ENPP6: variants seen among roughly 807,000 people sequenced by gnomAD.
ENPP6 encodes the protein glycerophosphocholine cholinephosphodiesterase ENPP6.
A neutral mutation model predicts 42.0 loss-of-function variants in ENPP6; 32 were observed. The observed-to-expected ratio is 0.76, with a 90% confidence interval of 0.58 to 1.02. The LOEUF (loss-of-function observed/expected upper bound fraction) is 1.02. Among genes scored for constraint, ENPP6 ranks in the 50% least tolerant of loss-of-function variants. ENPP6 has a pLI of 0.00. For missense variants in ENPP6, 552 were observed against 566.8 expected (o/e 0.97, Z 0.27); for synonymous variants, 213 against 216.0 (o/e 0.99, Z 0.12).
At chr4:184,091,525 G>A in intron 7 of ENPP6, 143 bp from the exon 8 acceptor site, 1 of 717,900 alleles carries the variant, frequency 1.4e-6, no homozygotes, top group Non-Finnish European at 2.3e-6. Context: ...GTGGCCTAGT[G>A]AGTGTGAACA....
intron 1 of ENPP6, among the ~76,000 whole-genome samples, chr4:184,213,581 C>T (rs1414202352): frequency 6.6e-6 from 1 of 150,886 alleles, no homozygotes; most frequent in African/African-American, 2.4e-5. Context: ...ATTAAAAACT[C>T]AGGAAACAAC....
rs557606969 is a variant in ENPP6 at position 184,108,125 on chromosome 4, A to G, written c.993+4547T>C. On this transcript the variant is annotated intron_variant, in intron 6 of 7. Coordinates refer to ENST00000296741, the MANE Select transcript of ENPP6 (RefSeq NM_153343.4). ...AAACCAAATCTTCCATGTTTCTGGGATGGCGGCTACAGGCAGAAAGGAGTG... is the reference window on the plus strand; with the variant it reads ...AAACCAAATCTTCCATGTTTCTGGGGTGGCGGCTACAGGCAGAAAGGAGTG... Among the ~76,000 whole-genome samples, 62 of 152,228 alleles carry G rather than the reference A, an allele frequency of 4.1e-4. No individual in the cohort carries two copies. In the South Asian group the frequency reaches 5.0e-3, roughly 12 times the overall value.
At chr4:184,168,649 C>T (rs1213035937) in intron 1 of ENPP6, among the ~76,000 whole-genome samples, 1 of 152,220 alleles carries the variant, frequency 6.6e-6, no homozygotes, top group Non-Finnish European at 1.5e-5. Flanking sequence ...CCCCGTAGTC[C>T]GCCGAGAGGC....
At position 184,153,968 on chromosome 4, in the gene ENPP6, T is replaced by A. The variant is rs193073877; in HGVS notation, c.242-235A>T. ...GAGGGTGGGGTCATTTAGAGTGACG[T>A]CACCCTGTCAAGTCAGCTGTTTTAA... is the stretch of plus-strand genomic sequence containing the variant. On this transcript the variant is annotated intron_variant, in intron 1 of 7. Coordinates refer to ENST00000296741, the MANE Select transcript of ENPP6 (RefSeq NM_153343.4). 1.5e-3 allele frequency among the ~76,000 whole-genome samples: 230 copies of A among 152,256 alleles called. 2 individuals carry two copies. The Middle Eastern group carries it at 0.017, about 11-fold the overall frequency.
chr4:184,089,824 C>T lies in ENPP6; in HGVS notation c.*1353G>A, dbSNP rs1735756893. ...TTTTTTAATGCAGTGATAGTGTATG[C>T]AAGTATATATATGTATATAGATATA... On this transcript the variant is annotated 3_prime_UTR_variant, in exon 8 of 8. Transcript: ENST00000296741. 6.6e-6 allele frequency: 1 copy of T among 151,890 alleles called. No individual in the cohort carries two copies. Among genetic ancestry groups the T allele is most frequent in the Non-Finnish European group, 1.5e-5 (1 of 68,012 alleles). 9.4% of individuals were successfully genotyped at this position (151,890 alleles called of 1,614,324 possible).
intron 6 of ENPP6, among the ~76,000 whole-genome samples, chr4:184,105,687 C>T (rs1736076172): frequency 6.6e-6 from 1 of 152,160 alleles, no homozygotes; most frequent in Non-Finnish European, 1.5e-5. Flanking sequence ...TTTAAAATCC[C>T]CATATTTTTA....
intron 7 of ENPP6, among the ~76,000 whole-genome samples, chr4:184,096,147 C>T (rs549705569): frequency 2.0e-5 from 3 of 152,118 alleles, no homozygotes; most frequent in Non-Finnish European, 4.4e-5. Context: ...CAGGCACCCA[C>T]GGAGGTTGCA....
chr4:184,166,261 T>C (rs1007514485), intron 1 of ENPP6, among the ~76,000 whole-genome samples: 1 of 152,182 alleles, frequency 6.6e-6, no homozygotes, highest in Admixed American at 6.5e-5. Flanking sequence ...GACACAAATA[T>C]TGTAAGGCTG....
intron 1 of ENPP6, among the ~76,000 whole-genome samples, chr4:184,169,981 T>G (rs1001187604): frequency 2.6e-5 from 4 of 152,232 alleles, no homozygotes; most frequent in African/African-American, 9.6e-5. Flanking sequence ...AATACTTCTG[T>G]GCCTGTCTCT....
chr4:184,135,801 G>A (rs142723452), intron 2 of ENPP6, among the ~76,000 whole-genome samples: 94 of 152,216 alleles, frequency 6.2e-4, no homozygotes, highest in African/African-American at 2.1e-3. Context: ...ACCTTTTCAT[G>A]CTCCCTTCTC....
chr4:184,099,161 A>C (rs1243937537), intron 6 of ENPP6, among the ~76,000 whole-genome samples: 1 of 152,220 alleles, frequency 6.6e-6, no homozygotes, highest in African/African-American at 2.4e-5. Context: ...AACCCAGGTC[A>C]TCTATCTCCC....
intron 1 of ENPP6, among the ~76,000 whole-genome samples, chr4:184,159,903 T>C (rs1218762652): frequency 1.3e-5 from 2 of 152,232 alleles, no homozygotes. Context: ...ACATGCGATA[T>C]TTGGTTTTCC....
intron 1 of ENPP6, among the ~76,000 whole-genome samples, chr4:184,208,567 C>T (rs1004376581): frequency 8.6e-5 from 13 of 151,884 alleles, no homozygotes; most frequent in Admixed American, 2.6e-4. Flanking sequence ...GATTATAACC[C>T]GCACCTGGCT....
intron 5 of ENPP6, among the ~76,000 whole-genome samples, chr4:184,115,154 C>T (rs1359823481): frequency 6.6e-6 from 1 of 152,222 alleles, no homozygotes; most frequent in Non-Finnish European, 1.5e-5. Flanking sequence ...TTACTAATGA[C>T]TGTCCAGAGT....
intron 1 of ENPP6, among the ~76,000 whole-genome samples, chr4:184,187,526 T>C (rs1732650953): frequency 1.3e-5 from 2 of 152,198 alleles, no homozygotes; most frequent in Admixed American, 1.3e-4. Context: ...GCTGTCGCTG[T>C]TCCCTGCCTG....
In ENPP6 at chr4:184,097,277, TC is replaced by T; in HGVS notation, c.1084del (p.Asp362ThrfsTer49). On this transcript the variant is annotated frameshift_variant, in exon 7 of 8. Coordinates refer to ENST00000296741, the MANE Select transcript of ENPP6 (RefSeq NM_153343.4). LOFTEE classifies it high-confidence loss of function. ...GAAGGCCAGGAAGATGCCCCGCATG[TC>T]CATGAGCTCGTTGTCGTAGCCGTGC... ...GWHGYDNELM[D>X]MRGIFLAFGP... 6.2e-7 allele frequency: 1 copy of T among 1,614,164 alleles called. No homozygotes were observed. The highest frequency in any genetic ancestry group is 8.5e-7 in the Non-Finnish European group (1 of 1,180,034).
Position 184,091,134 on chromosome 4 carries a change from C to T in ENPP6, c.*43G>A. Reference sequence around the variant, plus strand: ...AAAATCATCTGGCTTTGGAGGCCCACTTTGCTGATGGTGTTTTTTTCTGAG... The same window carrying T: ...AAAATCATCTGGCTTTGGAGGCCCATTTTGCTGATGGTGTTTTTTTCTGAG... On this transcript the variant is annotated 3_prime_UTR_variant, in exon 8 of 8. Transcript: ENST00000296741. 1 of 1,493,348 alleles carries T rather than the reference C, an allele frequency of 6.7e-7. No homozygotes were observed. The highest frequency in any genetic ancestry group is 8.9e-7 in the Non-Finnish European group (1 of 1,122,460). The allele number at this position is 1,493,348 out of a possible 1,614,324, so 92.5% of individuals were successfully genotyped here.
Position 184,139,164 on chromosome 4 carries a change from G to A in ENPP6, c.421+14390C>T, listed in dbSNP as rs547745719. The stretch of plus-strand genomic sequence containing the variant: ...TCTCTCCACAGTGAAATCCCAAAAG[G>A]GAAAACATCTGCCCTTACCTCTAAT... On this transcript the variant is annotated intron_variant, in intron 2 of 7. Transcript: ENST00000296741. Among the ~76,000 whole-genome samples the A allele has an allele frequency of 3.3e-5, 5 of 152,230 alleles. No homozygotes were observed. The South Asian group carries it at 1.0e-3, about 32-fold the overall frequency.
intron 6 of ENPP6, 140 bp from the exon 7 acceptor site, chr4:184,097,508 G>C (rs1735932692): frequency 1.6e-6 from 2 of 1,253,550 alleles, no homozygotes; most frequent in Non-Finnish European, 1.1e-6. Context: ...AACCTCCGCT[G>C]CGGCACTTCC....
Sources: allele counts gnomAD v4.1 joint callset (sites outside exome capture counted in the v4.1 genomes callset), GRCh38; gene constraint gnomAD v4.1.1; transcripts MANE v1.5; gene names NCBI Gene and HGNC (gene_info 2026-07-23, HGNC 2026-07-21).